Variants in PRSS1 observed in about 807,000 individuals in gnomAD.
PRSS1 encodes serine protease 1.
A neutral mutation model predicts 24.2 loss-of-function variants in PRSS1; 22 were observed. That is an observed-to-expected ratio of 0.91 (90% confidence interval 0.65 to 1.30). The LOEUF is 1.30. Among genes scored for constraint, PRSS1 ranks in the 50% most tolerant of loss-of-function variants. PRSS1 has a pLI of 0.00. For missense variants in PRSS1, 366 were observed against 304.2 expected (o/e 1.20, Z -1.51); for synonymous variants, 126 against 116.1 (o/e 1.08, Z -0.55).
intron 4 of PRSS1, 144 bp from the exon 5 acceptor site, chr7:142,752,724 G>A: frequency 6.7e-7 from 1 of 1,501,316 alleles, no homozygotes; most frequent in Non-Finnish European, 9.3e-7. Context: ...CATCTTGTCT[G>A]CTTAGGAAGA....
chr7:142,752,740 G>A, intron 4 of PRSS1, 128 bp from the exon 5 acceptor site: 2 of 1,500,668 alleles, frequency 1.3e-6, no homozygotes, highest in Non-Finnish European at 9.3e-7. Flanking sequence ...GAAGAACAGA[G>A]AATGGGCCAC....
intron 1 of PRSS1, among the ~76,000 whole-genome samples, chr7:142,750,181 T>C (rs544630519): frequency 3.0e-4 from 46 of 152,138 alleles, no homozygotes; most frequent in Middle Eastern, 3.4e-3. Flanking sequence ...AAAAGAATCC[T>C]GACAATCCAG....
chr7:142,751,406 T>G, intron 2 of PRSS1: 1 of 572,128 alleles, frequency 1.7e-6, no homozygotes, highest in East Asian at 3.0e-5. Context: ...GAACAGGCAC[T>G]GTGCACAGTT....
intron 1 of PRSS1, 51 bp downstream of exon 1, chr7:142,749,575 G>A (rs559772573): frequency 2.2e-5 from 34 of 1,575,616 alleles, no homozygotes; most frequent in Middle Eastern, 1.7e-4. Flanking sequence ...GTTCCTGGCC[G>A]ACAAATGCCC....
In PRSS1 at chr7:142,751,707, T is replaced by G. The variant is rs116058908; in HGVS notation, c.201-67T>G. On this transcript the variant is annotated intron_variant, in intron 2 of 4. Coordinates refer to ENST00000311737, the MANE Select transcript of PRSS1 (RefSeq NM_002769.5). ...CCATGAGCAGAGAGCTTGAGGAACC[T>G]GGGGAAGGTGGGATAGGTGCCCTGG... The G allele has an allele frequency of 1.7e-3, 2,776 of 1,613,816 alleles. 17 individuals carry two copies. In the African/African-American group the frequency reaches 0.033, roughly 19 times the overall value.
In PRSS1 at chr7:142,750,723, G is replaced by A. The variant is rs1390484900; in HGVS notation, c.200+9G>A. Reference sequence around the variant, plus strand: ...GGCCACTGCTACAAGTCGTAAGTGTGGGGCCCCCGACTGCAAAGCTCCCGG... The same window carrying A: ...GGCCACTGCTACAAGTCGTAAGTGTAGGGCCCCCGACTGCAAAGCTCCCGG... On this transcript the variant is annotated intron_variant, in intron 2 of 4. Coordinates refer to ENST00000311737, the MANE Select transcript of PRSS1 (RefSeq NM_002769.5). 6.2e-7 allele frequency: 1 copy of A among 1,613,718 alleles called. No homozygotes were observed. Among genetic ancestry groups the A allele is most frequent in the Non-Finnish European group, 8.5e-7 (1 of 1,179,818 alleles).
At chr7:142,749,545 C>G (rs755477247) in intron 1 of PRSS1, 21 bp downstream of exon 1, 2 of 1,613,710 alleles carry the variant, frequency 1.2e-6, no homozygotes, top group African/African-American at 1.3e-5. Flanking sequence ...TGCCCTGCCT[C>G]AGGCCCCAAC....
intron 1 of PRSS1, 84 bp downstream of exon 1, chr7:142,749,608 C>T (rs1798515021): frequency 2.6e-6 from 4 of 1,515,866 alleles, no homozygotes; most frequent in African/African-American, 1.4e-5. Flanking sequence ...CACCTCTCCT[C>T]TTTTGACTGT....
chr7:142,753,015 A>G lies in PRSS1; in HGVS notation c.739A>G (p.Ser247Gly), dbSNP rs757690615. Residue 247 changes from serine (S) to glycine (G), a missense_variant, in exon 5 of 5, where the codon AGC becomes GGC. By Grantham distance (56) the Ser-to-Gly change is moderately conservative. Transcript: ENST00000311737. ...KWIKNTIAAN[S>G] ...GATTAAGAACACCATAGCTGCCAAT[A>G]GCTAAAGCCCCCAGTATCTCTTCAG... 8 of 1,613,526 alleles carry G rather than the reference A, an allele frequency of 5.0e-6. No homozygotes were observed. The highest frequency in any genetic ancestry group is 5.9e-6 in the Non-Finnish European group (7 of 1,179,698).
At chr7:142,752,165 G>A in intron 3 of PRSS1, 138 bp downstream of exon 3, 1 of 1,394,732 alleles carries the variant, frequency 7.2e-7, no homozygotes. Flanking sequence ...CTCTGCACTG[G>A]GCACCAGAGA....
chr7:142,752,206 A>T (rs998392331), intron 3 of PRSS1, among the ~76,000 whole-genome samples, 179 bp downstream of exon 3: 1 of 152,168 alleles, frequency 6.6e-6, no homozygotes, highest in African/African-American at 2.4e-5. Context: ...TGGCTCCTAA[A>T]ATCAAGAGAC....
Position 142,751,871 on chromosome 7 carries a change from G to T in PRSS1, c.298G>T (p.Asp100Tyr), listed in dbSNP as rs199507985. Reference protein sequence around the residue: ...AAKIIRHPQYDRKTLNNDIML... With the variant: ...AAKIIRHPQYYRKTLNNDIML... ...CAAGATCATCCGCCACCCCCAATAC[G>T]ACAGGAAGACTCTGAACAATGACAT... Residue 100 changes from aspartate to tyrosine, a missense_variant, in exon 3 of 5, where the codon GAC (aspartate) becomes TAC (tyrosine). By Grantham distance (160) the Asp-to-Tyr change is radical. Coordinates refer to ENST00000311737, the MANE Select transcript of PRSS1 (RefSeq NM_002769.5). 2 of 1,434,124 alleles carry T rather than the reference G, an allele frequency of 1.4e-6. No individual in the cohort carries two copies. The allele number at this position is 1,434,124 out of a possible 1,614,324, so 88.8% of individuals were successfully genotyped here.
intron 1 of PRSS1, 138 bp downstream of exon 1, chr7:142,749,662 T>A (rs543867879): frequency 2.5e-6 from 3 of 1,185,832 alleles, no homozygotes; most frequent in East Asian, 2.4e-5. Flanking sequence ...CTCCTTCCCA[T>A]CCTCCTTGGG....
chr7:142,752,431 C>G lies in PRSS1; in HGVS notation c.455C>G (p.Ala152Gly), dbSNP rs770315312. 10 of 1,613,870 alleles carry G rather than the reference C, an allele frequency of 6.2e-6. No individual in the cohort carries two copies. The East Asian group carries it at 1.6e-4, about 25-fold the overall frequency. Residue 152 changes from alanine to glycine, a missense_variant and splice_region_variant, in exon 4 of 5, where the codon GCC becomes GGC. By Grantham distance (60) the Ala-to-Gly change is moderately conservative. Transcript: ENST00000311737. ...SGWGNTASSG[A>G]DYPDELQCLD... ...TTTGATCTCTTCCTGATCCTCACAG[C>G]CGACTACCCAGACGAGCTGCAGTGC...
intron 4 of PRSS1, 43 bp from the exon 5 acceptor site, chr7:142,752,825 C>T (rs201886780): frequency 1.3e-5 from 21 of 1,602,882 alleles, no homozygotes; most frequent in Non-Finnish European, 1.5e-5. Flanking sequence ...TAGCTATATT[C>T]CTCCTCCATC....
intron 1 of PRSS1, 27 bp from the exon 2 acceptor site, chr7:142,750,528 C>T (rs775007582): frequency 1.4e-5 from 22 of 1,613,838 alleles, no homozygotes; most frequent in Non-Finnish European, 1.8e-5. Context: ...TATTGACTTG[C>T]CTTCTCCCTT....
In PRSS1 at chr7:142,750,476, G is replaced by A. The variant is rs890826165; in HGVS notation, c.41-79G>A. The A allele has an allele frequency of 2.4e-5, 39 of 1,603,962 alleles. No homozygotes were observed. In the African/African-American group the frequency reaches 3.9e-4, roughly 16 times the overall value. On this transcript the variant is annotated intron_variant, in intron 1 of 4. Coordinates refer to ENST00000311737, the MANE Select transcript of PRSS1 (RefSeq NM_002769.5). ...TGTGCTTGTTAAGGATTTCTAATTA[G>A]CAGAAAGCAATCACAGGCTGGGAGC... is the stretch of plus-strand genomic sequence containing the variant.
At position 142,751,779 on chromosome 7, in the gene PRSS1, T is replaced by A. The variant is rs1237210606; in HGVS notation, c.206T>A (p.Ile69Asn). 6.2e-7 allele frequency: 1 copy of A among 1,614,148 alleles called. No individual in the cohort carries two copies. The highest frequency in any genetic ancestry group is 1.1e-5 in the South Asian group (1 of 91,072). Residue 69 changes from isoleucine to asparagine, a missense_variant, in exon 3 of 5, where the codon ATC becomes AAC. Ile to Asn is a moderately radical substitution (Grantham distance 149). Transcript: ENST00000311737. Reference protein sequence around the residue: ...VSAGHCYKSRIQVRLGEHNIE... With the variant: ...VSAGHCYKSRNQVRLGEHNIE... ...ATGCCTGCCCTGCCCATCAGCCGCA[T>A]CCAGGTGAGACTGGGAGAGCACAAC...
intron 1 of PRSS1, 135 bp downstream of exon 1, chr7:142,749,659 C>A: frequency 1.6e-6 from 2 of 1,231,152 alleles, no homozygotes; most frequent in South Asian, 2.5e-5. Flanking sequence ...TATCTCCTTC[C>A]CATCCTCCTT....
Sources: gnomAD v4.1 joint callset for allele counts (sites outside exome capture counted in the v4.1 genomes callset) on GRCh38, gnomAD v4.1.1 for gene constraint, MANE v1.5 for transcripts, NCBI Gene and HGNC (gene_info 2026-07-23, HGNC 2026-07-21) for gene names.